RAB11FIP4: variants seen among roughly 807,000 people sequenced by gnomAD.
RAB11FIP4 encodes rab11 family-interacting protein 4.
Under a neutral mutation model 74.3 loss-of-function variants are expected in RAB11FIP4, and 23 were observed. The ratio of observed to expected loss-of-function variants is 0.31; its 90% CI spans 0.22 to 0.44. The LOEUF (loss-of-function observed/expected upper bound fraction) is 0.44. Ranked by LOEUF, RAB11FIP4 falls within the 20% of genes least tolerant of loss-of-function variation. The probability of loss-of-function intolerance (pLI) is 1.00; values close to 1 mark genes in which losing one functional copy is unlikely to be tolerated. For missense variants in RAB11FIP4, 630 were observed against 863.9 expected (o/e 0.73, Z 3.39); for synonymous variants, 360 against 359.9 (o/e 1.00, Z 0.00).
rs2151610048 is a variant in RAB11FIP4, at chr17:31,391,747, C to T, written c.-106C>T. 1.2e-6 allele frequency: 1 copy of T among 855,686 alleles called. No homozygotes were observed. Among genetic ancestry groups the T allele is most frequent in the Non-Finnish European group, 1.4e-6 (1 of 713,358 alleles). 53.0% of individuals were successfully genotyped at this position (855,686 alleles called of 1,614,324 possible). A position where few individuals can be genotyped will look rare whatever the true frequency, so the allele number is the denominator to read the frequency against. ...CCGCCACCGGGCGGAGGCTGCGCGG[C>T]GCAGACCCAGACGGGCGGCCCCGGA... On this transcript the variant is annotated 5_prime_UTR_variant, in exon 1 of 15. Transcript: ENST00000621161.
intron 5 of RAB11FIP4, 38 bp from the exon 6 acceptor site, chr17:31,521,877 A>T (rs1369690842): frequency 1.2e-6 from 2 of 1,612,888 alleles, no homozygotes; most frequent in African/African-American, 2.7e-5. Flanking sequence ...CAGACTGGAC[A>T]GCAGTTAAGG....
intron 3 of RAB11FIP4, among the ~76,000 whole-genome samples, chr17:31,504,256 G>A (rs193078399): frequency 4.7e-5 from 7 of 148,718 alleles, no homozygotes; most frequent in Non-Finnish European, 7.4e-5. Context: ...ACAGCCTCCC[G>A]AGTAGCTGGA....
chr17:31,476,065 G>C (rs1015570213), intron 3 of RAB11FIP4, among the ~76,000 whole-genome samples: 9 of 151,418 alleles, frequency 5.9e-5, no homozygotes, highest in African/African-American at 2.2e-4. Flanking sequence ...AGGCTCACAG[G>C]AATTGAACCA....
intron 3 of RAB11FIP4, among the ~76,000 whole-genome samples, chr17:31,452,275 G>A (rs2071533880): frequency 6.6e-6 from 1 of 152,090 alleles, no homozygotes. Flanking sequence ...GTGCAGATTT[G>A]TTGCACAAGC....
At chr17:31,482,649 C>T (rs889924551) in intron 3 of RAB11FIP4, among the ~76,000 whole-genome samples, 1 of 151,964 alleles carries the variant, frequency 6.6e-6, no homozygotes, top group African/African-American at 2.4e-5. Flanking sequence ...CCTTTGGGGT[C>T]AAGAGGCCTC....
intron 1 of RAB11FIP4, among the ~76,000 whole-genome samples, chr17:31,412,439 C>G (rs1389849735): frequency 6.6e-6 from 1 of 152,228 alleles, no homozygotes; most frequent in Non-Finnish European, 1.5e-5. Context: ...CCTAACCTGT[C>G]TCAAACTTAC....
chr17:31,420,635 T>A (rs1247829182), intron 1 of RAB11FIP4, among the ~76,000 whole-genome samples: 1 of 152,142 alleles, frequency 6.6e-6, no homozygotes, highest in Admixed American at 6.6e-5. Context: ...AAAACCAGAT[T>A]TGGGTTTTGT....
intron 3 of RAB11FIP4, among the ~76,000 whole-genome samples, chr17:31,470,799 T>C (rs2071729199): frequency 6.6e-6 from 1 of 152,164 alleles, no homozygotes; most frequent in Non-Finnish European, 1.5e-5. Flanking sequence ...GTCTCCTCTG[T>C]AATGACCGTC....
chr17:31,532,029 A>G lies in RAB11FIP4; in HGVS notation c.*297A>G. ...AGGTCTGCTATCAGGAGTTACTGTA[A>G]AAACAAGAACTGGAAGCTCGTGTTT... On this transcript the variant is annotated 3_prime_UTR_variant, in exon 15 of 15. Transcript: ENST00000621161. 1 of 307,954 alleles carries G rather than the reference A, an allele frequency of 3.2e-6. No individual in the cohort carries two copies. 19.1% of individuals were successfully genotyped at this position (307,954 alleles called of 1,614,324 possible).
intron 3 of RAB11FIP4, among the ~76,000 whole-genome samples, chr17:31,471,881 G>T (rs1350676264): frequency 6.6e-6 from 1 of 152,088 alleles, no homozygotes; most frequent in Non-Finnish European, 1.5e-5. Context: ...AGAGTCACGG[G>T]GCCGGGCGCA....
chr17:31,405,029 G>A (rs1353111704), intron 1 of RAB11FIP4, among the ~76,000 whole-genome samples: 3 of 152,192 alleles, frequency 2.0e-5, no homozygotes, highest in Non-Finnish European at 4.4e-5. Flanking sequence ...CAAAGGTTTC[G>A]GGATAAAATG....
At position 31,512,724 on chromosome 17, in the gene RAB11FIP4, A is replaced by G. The variant is rs964882377; in HGVS notation, c.337-4927A>G. On this transcript the variant is annotated intron_variant, in intron 3 of 14. Transcript: ENST00000621161. This position sits in a 1 kb window ranked among gnomAD's most constrained non-coding sequence, Gnocchi z 4.1. ...AGGATACCACACTGTCCCTTCCCCA[A>G]AGGCCCCCAAAAGAGCAGACACAGC... Among the ~76,000 whole-genome samples, 3 of 152,156 alleles carry G rather than the reference A, an allele frequency of 2.0e-5. No individual in the cohort carries two copies. The highest frequency in any genetic ancestry group is 2.9e-5 in the Non-Finnish European group (2 of 67,976).
chr17:31,402,158 G>T (rs2070992450), intron 1 of RAB11FIP4, among the ~76,000 whole-genome samples: 2 of 151,288 alleles, frequency 1.3e-5, no homozygotes, highest in African/African-American at 4.9e-5. Flanking sequence ...CCACCCTTCT[G>T]CCCACTTCCG....
chr17:31,420,132 G>T (rs2071185109), intron 1 of RAB11FIP4, among the ~76,000 whole-genome samples: 2 of 152,068 alleles, frequency 1.3e-5, no homozygotes, highest in Admixed American at 6.6e-5. Flanking sequence ...TCAAAGAATT[G>T]GTCCATTAGC....
chr17:31,513,076 T>A (rs546497946), intron 3 of RAB11FIP4, among the ~76,000 whole-genome samples: 6 of 152,238 alleles, frequency 3.9e-5, no homozygotes, highest in South Asian at 4.1e-4. Context: ...GGCAGCTCTC[T>A]GGGCATCCTG....
chr17:31,502,036 C>T (rs2072231382), intron 3 of RAB11FIP4, among the ~76,000 whole-genome samples: 1 of 151,994 alleles, frequency 6.6e-6, no homozygotes, highest in Non-Finnish European at 1.5e-5. Context: ...CTAGCCTGGA[C>T]AACATGCCAA....
At chr17:31,455,918 G>C (rs1383130871) in intron 3 of RAB11FIP4, among the ~76,000 whole-genome samples, 1 of 152,142 alleles carries the variant, frequency 6.6e-6, no homozygotes, top group Non-Finnish European at 1.5e-5. Flanking sequence ...CTCACCCTCC[G>C]CTGAGAGTGC....
chr17:31,392,088 G>C (rs1479093001), intron 1 of RAB11FIP4, 77 bp downstream of exon 1: 38 of 1,031,634 alleles, frequency 3.7e-5, no homozygotes, highest in Non-Finnish European at 3.7e-5. Flanking sequence ...TCCCCCGCCG[G>C]GTCACCCGCG....
chr17:31,415,649 A>T (rs2071140174), intron 1 of RAB11FIP4, among the ~76,000 whole-genome samples: 1 of 152,104 alleles, frequency 6.6e-6, no homozygotes, highest in Non-Finnish European at 1.5e-5. Context: ...CATTGTCCAG[A>T]TGGGGAAACT....
Sources: allele counts gnomAD v4.1 joint callset (sites outside exome capture counted in the v4.1 genomes callset), GRCh38; gene constraint gnomAD v4.1.1; non-coding constraint Gnocchi (gnomAD v3.1); transcripts MANE v1.5; gene names NCBI Gene and HGNC (gene_info 2026-07-23, HGNC 2026-07-21).